The following BTAF1 variants were observed in gnomAD, a reference collection of about 807,000 sequenced individuals.
The protein encoded by BTAF1 is TATA-binding protein-associated factor 172.
BTAF1 carries 38 observed loss-of-function variants against 227.1 expected under a neutral mutation model. That is an observed-to-expected ratio of 0.17 (90% CI 0.13 to 0.22). The LOEUF (loss-of-function observed/expected upper bound fraction) is 0.22. Among genes scored for constraint, BTAF1 ranks in the 10% least tolerant of loss-of-function variants. The probability of loss-of-function intolerance (pLI) is 1.00; values close to 1 mark genes in which losing one functional copy is unlikely to be tolerated. For synonymous variants in BTAF1, 742 were observed against 751.9 expected (o/e 0.99, Z 0.21); for missense variants, 1,598 against 2,204.0 (o/e 0.73, Z 5.51).
At chr10:91,969,548 G>A (rs1847148111) in intron 14 of BTAF1, among the ~76,000 whole-genome samples, 1 of 152,068 alleles carries the variant, frequency 6.6e-6, no homozygotes, top group Admixed American at 6.5e-5. Context: ...TTTTCGGTTT[G>A]CTGTTGCCTA....
At chr10:91,947,543 C>T (rs1137825) in intron 4 of BTAF1, among the ~76,000 whole-genome samples, 4 of 151,986 alleles carry the variant, frequency 2.6e-5, no homozygotes, top group Admixed American at 1.3e-4. Context: ...TATTTCAGGA[C>T]TCTTAATTCT....
intron 18 of BTAF1, 87 bp downstream of exon 18, chr10:91,982,848 A>T: frequency 7.5e-7 from 1 of 1,325,286 alleles, no homozygotes; most frequent in Non-Finnish European, 1.0e-6. Context: ...AGAAAAGTGA[A>T]AATTTTCGAT....
intron 19 of BTAF1, among the ~76,000 whole-genome samples, chr10:91,986,380 T>C (rs569044055): frequency 4.7e-4 from 72 of 152,312 alleles, no homozygotes; most frequent in Non-Finnish European, 9.4e-4. Context: ...TTAGGTGTAG[T>C]ATATATGAGT....
At chr10:91,985,068 G>C (rs1848314179) in intron 19 of BTAF1, among the ~76,000 whole-genome samples, 1 of 151,986 alleles carries the variant, frequency 6.6e-6, no homozygotes, top group Admixed American at 6.5e-5. Context: ...AATTTTGACA[G>C]ATGCATATGC....
intron 18 of BTAF1, among the ~76,000 whole-genome samples, chr10:91,983,708 GT>G (rs1373707697): frequency 6.6e-6 from 1 of 152,170 alleles, no homozygotes; most frequent in African/African-American, 2.4e-5. Context: ...TTTCCTGTTG[GT>G]TTGGGGCAGG....
intron 20 of BTAF1, among the ~76,000 whole-genome samples, chr10:91,990,748 G>A (rs994480301): frequency 2.0e-5 from 3 of 151,868 alleles, no homozygotes; most frequent in Non-Finnish European, 2.9e-5. Context: ...AGCTGAGATC[G>A]CGCCATTGTA....
At chr10:92,001,331 G>C (rs1051327255) in intron 25 of BTAF1, among the ~76,000 whole-genome samples, 1 of 152,208 alleles carries the variant, frequency 6.6e-6, no homozygotes, top group Non-Finnish European at 1.5e-5. Flanking sequence ...CTTTGGCTGA[G>C]TATTCATCTG....
chr10:91,958,932 A>G (rs932029040), intron 8 of BTAF1, 133 bp from the exon 9 acceptor site: 32 of 745,640 alleles, frequency 4.3e-5, no homozygotes, highest in Non-Finnish European at 6.5e-5. Context: ...GAAGAAAAAT[A>G]CATTCTTGTA....
intron 4 of BTAF1, among the ~76,000 whole-genome samples, chr10:91,944,516 C>T (rs184765105): frequency 1.3e-5 from 2 of 152,260 alleles, no homozygotes; most frequent in Admixed American, 1.3e-4. Flanking sequence ...GTTTTTCCCT[C>T]CTGGGTAGAC....
intron 14 of BTAF1, among the ~76,000 whole-genome samples, chr10:91,976,366 T>C (rs1248033841): frequency 1.3e-5 from 2 of 152,164 alleles, no homozygotes; most frequent in African/African-American, 4.8e-5. Context: ...ATTGATTGAA[T>C]TATTAGCCAT....
chr10:92,009,702 C>T (rs891041586), intron 28 of BTAF1, among the ~76,000 whole-genome samples: 1 of 152,138 alleles, frequency 6.6e-6, no homozygotes, highest in Non-Finnish European at 1.5e-5. Context: ...TTGCTTTGTT[C>T]CCTTTCCTTC....
At chr10:91,950,322 C>T (rs1439879968) in intron 4 of BTAF1, among the ~76,000 whole-genome samples, 2 of 147,848 alleles carry the variant, frequency 1.4e-5, no homozygotes, top group East Asian at 2.0e-4. Context: ...TTTTTAAGTA[C>T]TGACAATTCC....
At chr10:91,957,341 A>G in intron 8 of BTAF1, 48 bp downstream of exon 8, 1 of 1,478,812 alleles carries the variant, frequency 6.8e-7, no homozygotes, top group Non-Finnish European at 9.4e-7. Context: ...TTCTGTGCTA[A>G]TGAAGGGAAC....
In BTAF1 at chr10:91,984,291, A is replaced by G; in HGVS notation, c.2314A>G (p.Thr772Ala). 6.2e-7 allele frequency: 1 copy of G among 1,613,890 alleles called. No individual in the cohort carries two copies. Among genetic ancestry groups the G allele is most frequent in the East Asian group, 2.2e-5 (1 of 44,834 alleles). The change falls in exon 19 of 38, where the codon ACA becomes GCA. Residue 772 changes from threonine (T) to alanine (A), a missense_variant. Physicochemically the swap from Thr to Ala is moderately conservative, Grantham distance 58. Coordinates refer to ENST00000265990, the MANE Select transcript of BTAF1 (RefSeq NM_003972.3). ...TTATGACGAAATTGCCGTTCCATTC[A>G]CACGAATGCAGAATGAATGTAAACA... Reference protein sequence around the residue: ...LYYDEIAVPFTRMQNECKQLI... With the variant: ...LYYDEIAVPFARMQNECKQLI...
intron 12 of BTAF1, among the ~76,000 whole-genome samples, chr10:91,963,336 G>A (rs890193395): frequency 3.3e-5 from 5 of 151,488 alleles, no homozygotes; most frequent in South Asian, 2.1e-4. Context: ...GGAGAATGGC[G>A]TGAACCCGGG....
chr10:92,028,471 A>C (rs189052466), intron 37 of BTAF1, among the ~76,000 whole-genome samples: 55 of 152,304 alleles, frequency 3.6e-4, no homozygotes, highest in Non-Finnish European at 7.4e-4. Context: ...CTTTCTTTCA[A>C]ATTGTTCAGA....
Position 91,964,178 on chromosome 10 carries a change from T to G in BTAF1, c.1506T>G (p.Thr502=). ...SIMTLLSSLL[T]YPQVQQCSIQ... ...TGACTCTCCTTTCATCCTTGTTAACTTACCCTCAGGTCCAACAATGCAGGT... is the reference window on the plus strand; with the variant it reads ...TGACTCTCCTTTCATCCTTGTTAACGTACCCTCAGGTCCAACAATGCAGGT... Residue 502 remains threonine (T), a synonymous_variant, in exon 13 of 38, where the codon ACT becomes ACG. Transcript: ENST00000265990. The G allele has an allele frequency of 1.9e-6, 3 of 1,612,958 alleles. No individual in the cohort carries two copies. The highest frequency in any genetic ancestry group is 2.5e-6 in the Non-Finnish European group (3 of 1,179,532).
At chr10:92,014,491 T>C (rs1163781140) in intron 32 of BTAF1, among the ~76,000 whole-genome samples, 1 of 152,226 alleles carries the variant, frequency 6.6e-6, no homozygotes, top group African/African-American at 2.4e-5. Context: ...CCTTCCAAAG[T>C]GCTGGGATTA....
chr10:91,986,561 C>T (rs1209177779), intron 19 of BTAF1, among the ~76,000 whole-genome samples: 1 of 151,952 alleles, frequency 6.6e-6, no homozygotes, highest in Non-Finnish European at 1.5e-5. Context: ...TTTTTTTCCC[C>T]CTGGGTTCTC....
Sources: gnomAD v4.1 joint callset for allele counts (sites outside exome capture counted in the v4.1 genomes callset) on GRCh38, gnomAD v4.1.1 for gene constraint, MANE v1.5 for transcripts, NCBI Gene and HGNC (gene_info 2026-07-23, HGNC 2026-07-21) for gene names.